Variants in SCN8A observed in about 807,000 individuals in gnomAD.
SCN8A encodes the protein sodium channel protein type 8 subunit alpha.
In SCN8A, 30 loss-of-function variants were observed where a neutral mutation model predicts 184.1. That is an observed-to-expected ratio of 0.16 (90% CI 0.12 to 0.22). The LOEUF (loss-of-function observed/expected upper bound fraction) is 0.22, where lower values mean the gene tolerates loss of function less well. Ranked by LOEUF, SCN8A falls within the 10% of genes least tolerant of loss-of-function variation. SCN8A has a pLI of 1.00. For synonymous variants in SCN8A, 852 were observed against 907.0 expected (o/e 0.94, Z 1.09); for missense variants, 1,057 against 2,498.9 (o/e 0.42, Z 12.30).
In SCN8A at chr12:51,806,028, A is replaced by G. The variant is rs1474432631; in HGVS notation, c.4796-254A>G. On this transcript the variant is annotated intron_variant, in intron 26 of 26. Transcript: ENST00000627620. This position sits in a 1 kb window ranked among gnomAD's most constrained non-coding sequence, Gnocchi z 8.7. The stretch of plus-strand genomic sequence containing the variant: ...TTTTCAGTAGAGACAGGGTTTCACC[A>G]TGTTGGCCAGGCTGGTCTCCAACTC... Among the ~76,000 whole-genome samples, 2 of 152,118 alleles carry G rather than the reference A, an allele frequency of 1.3e-5. No homozygotes were observed. The highest frequency in any genetic ancestry group is 6.5e-5 in the Admixed American group (1 of 15,278).
At chr12:51,765,230 T>G (rs983963402) in intron 15 of SCN8A, among the ~76,000 whole-genome samples, 2 of 152,226 alleles carry the variant, frequency 1.3e-5, no homozygotes, top group African/African-American at 4.8e-5. Flanking sequence ...TATTTAGAAT[T>G]TTTTAATGTT....
intron 14 of SCN8A, among the ~76,000 whole-genome samples, chr12:51,761,279 G>A (rs1942758391): frequency 6.6e-6 from 1 of 151,942 alleles, no homozygotes; most frequent in South Asian, 2.1e-4. Context: ...AATGGGAGAT[G>A]GGTAACATAG....
intron 1 of SCN8A, among the ~76,000 whole-genome samples, chr12:51,635,100 G>T (rs1940286656): frequency 6.6e-6 from 1 of 152,166 alleles, no homozygotes; most frequent in South Asian, 2.1e-4. Flanking sequence ...GAGACAGACT[G>T]GATCAAACTG....
chr12:51,673,550 C>T (rs1052030466), intron 2 of SCN8A, among the ~76,000 whole-genome samples: 3 of 152,142 alleles, frequency 2.0e-5, no homozygotes, highest in Non-Finnish European at 4.4e-5. Flanking sequence ...GACCGTATAG[C>T]TTCAACTGGG....
At chr12:51,695,651 T>C (rs764895494) in intron 6 of SCN8A, among the ~76,000 whole-genome samples, 6 of 151,758 alleles carry the variant, frequency 4.0e-5, no homozygotes, top group Non-Finnish European at 7.3e-5. Context: ...TCTCTCCACG[T>C]GTCCATTTCT....
At chr12:51,602,987 A>G (rs1449200320) in intron 1 of SCN8A, among the ~76,000 whole-genome samples, 1 of 152,062 alleles carries the variant, frequency 6.6e-6, no homozygotes, top group Non-Finnish European at 1.5e-5. Flanking sequence ...CCCTTTTAAC[A>G]TTTTAAACAG....
chr12:51,742,074 TAAA>T (rs1942435807), intron 12 of SCN8A, among the ~76,000 whole-genome samples: 2 of 152,232 alleles, frequency 1.3e-5, no homozygotes, highest in South Asian at 4.1e-4. Flanking sequence ...AGAAAACTAA[TAAA>T]AACTGTACAC....
intron 6 of SCN8A, among the ~76,000 whole-genome samples, chr12:51,691,768 A>G (rs1409928748): frequency 2.0e-5 from 3 of 152,172 alleles, no homozygotes; most frequent in Non-Finnish European, 4.4e-5. Flanking sequence ...CTCAGTCTCA[A>G]TCTTTTTGCT....
At chr12:51,697,025 C>A (rs1387227707) in intron 6 of SCN8A, among the ~76,000 whole-genome samples, 2 of 120,232 alleles carry the variant, frequency 1.7e-5, no homozygotes, top group East Asian at 4.7e-4. Flanking sequence ...GACGACAGAG[C>A]GAGAATCCGA....
chr12:51,703,693 A>C (rs1411019190), intron 9 of SCN8A, among the ~76,000 whole-genome samples: 1 of 152,218 alleles, frequency 6.6e-6, no homozygotes, highest in African/African-American at 2.4e-5. Flanking sequence ...ACAGCTTAGA[A>C]ATTTTATGAC....
chr12:51,730,592 T>A (rs1942224796), intron 12 of SCN8A, among the ~76,000 whole-genome samples: 1 of 152,196 alleles, frequency 6.6e-6, no homozygotes. Context: ...ATAGTAAGTA[T>A]ATATATTTAT....
At position 51,617,400 on chromosome 12, in the gene SCN8A, A is replaced by T. The variant is rs114694387; in HGVS notation, c.-55+26041A>T. Among the ~76,000 whole-genome samples the T allele has an allele frequency of 7.0e-3, 1,061 of 152,224 alleles. 13 individuals carry two copies. The highest frequency in any genetic ancestry group is 0.024 in the Middle Eastern group (7 of 294). On this transcript the variant is annotated intron_variant, in intron 1 of 26. Coordinates refer to ENST00000627620, the MANE Select transcript of SCN8A (RefSeq NM_001330260.2). ...ATTATACTATTGAGCCCATCCAATG[A>T]ATTTTAAAATTTCTGTTATTGTGTT... is the stretch of plus-strand genomic sequence containing the variant.
intron 2 of SCN8A, among the ~76,000 whole-genome samples, chr12:51,673,059 A>AT (rs1022203072): frequency 6.6e-6 from 1 of 152,000 alleles, no homozygotes; most frequent in Admixed American, 6.6e-5. Context: ...ATTTTCTATC[A>AT]TTTTGCATTG....
At chr12:51,673,383 C>T (rs917895175) in intron 2 of SCN8A, among the ~76,000 whole-genome samples, 5 of 152,094 alleles carry the variant, frequency 3.3e-5, no homozygotes, top group South Asian at 2.1e-4. Flanking sequence ...GCCAATTCCC[C>T]GTGGATACTG....
At chr12:51,702,646 C>A in intron 8 of SCN8A, 127 bp from the exon 9 acceptor site, 1 of 754,622 alleles carries the variant, frequency 1.3e-6, no homozygotes, top group South Asian at 5.1e-5. Context: ...GTTGGCCTGG[C>A]TCTATCAATG....
chr12:51,775,558 C>A (rs914962240), intron 20 of SCN8A, among the ~76,000 whole-genome samples: 1 of 152,170 alleles, frequency 6.6e-6, no homozygotes, highest in African/African-American at 2.4e-5. Context: ...ACCCTCGCAG[C>A]GAGAGATGTT....
At chr12:51,754,930 G>T (rs1310540790) in intron 14 of SCN8A, among the ~76,000 whole-genome samples, 1 of 152,188 alleles carries the variant, frequency 6.6e-6, no homozygotes, top group Non-Finnish European at 1.5e-5. Flanking sequence ...TGATTAAGGA[G>T]GTGTCTGCCA....
intron 1 of SCN8A, among the ~76,000 whole-genome samples, chr12:51,608,008 A>G (rs1246553031): frequency 7.1e-6 from 1 of 141,124 alleles, no homozygotes; most frequent in Non-Finnish European, 1.5e-5. Context: ...ATTGGTACCA[A>G]TTTTTCTTTT....
At chr12:51,672,965 T>C (rs1280621918) in intron 2 of SCN8A, among the ~76,000 whole-genome samples, 1 of 152,204 alleles carries the variant, frequency 6.6e-6, no homozygotes, top group African/African-American at 2.4e-5. Context: ...TTCACCTTCA[T>C]GGTCTTTCTT....
Sources: allele counts gnomAD v4.1 joint callset (sites outside exome capture counted in the v4.1 genomes callset), GRCh38; gene constraint gnomAD v4.1.1; non-coding constraint Gnocchi (gnomAD v3.1); transcripts MANE v1.5; gene names NCBI Gene and HGNC (gene_info 2026-07-23, HGNC 2026-07-21).